The following NELL1 variants were observed in gnomAD, a reference collection of about 807,000 sequenced individuals.
NELL1 encodes the protein neural EGFL like 1, also known as protein kinase C-binding protein NELL1.
A neutral mutation model predicts 107.4 loss-of-function variants in NELL1; 76 were observed. That is an observed-to-expected ratio of 0.71 (90% CI 0.59 to 0.86). The LOEUF is 0.86. Ranked by LOEUF, NELL1 falls within the 40% of genes least tolerant of loss-of-function variation. NELL1 has a pLI of 0.00. For synonymous variants in NELL1, 353 were observed against 341.2 expected, an observed-to-expected ratio of 1.03 and a Z score of -0.38; for missense variants, 1,024 against 1,005.5, an observed-to-expected ratio of 1.02 and a Z score of -0.25.
At chr11:20,961,754 A>G (rs1248112362) in intron 12 of NELL1, among the ~76,000 whole-genome samples, 4 of 151,998 alleles carry the variant, frequency 2.6e-5, no homozygotes, top group African/African-American at 7.2e-5. Flanking sequence ...ATCTTTTCCT[A>G]TAGAGTGGAT....
chr11:20,925,083 A>G (rs1005303968), intron 7 of NELL1, among the ~76,000 whole-genome samples: 1 of 152,150 alleles, frequency 6.6e-6, no homozygotes, highest in African/African-American at 2.4e-5. Flanking sequence ...TATGCAAACT[A>G]TACTATTTTA....
At chr11:21,380,703 A>G (rs915655921) in intron 15 of NELL1, among the ~76,000 whole-genome samples, 9 of 152,044 alleles carry the variant, frequency 5.9e-5, no homozygotes, top group Admixed American at 5.3e-4. Flanking sequence ...TCCAGGTTGC[A>G]GACATATGGA....
chr11:20,999,855 G>C (rs6483746), intron 12 of NELL1, among the ~76,000 whole-genome samples: 42,034 of 151,946 alleles, frequency 0.28, 8,579 homozygotes, highest in African/African-American at 0.58. Context: ...TTCTGTTGTT[G>C]TTTTCTTCAT....
intron 15 of NELL1, among the ~76,000 whole-genome samples, chr11:21,435,157 A>C (rs928623836): frequency 6.6e-6 from 1 of 151,862 alleles, no homozygotes; most frequent in Non-Finnish European, 1.5e-5. Context: ...GTTTCCATGC[A>C]CTGTATTTTT....
At chr11:20,751,530 G>A (rs1406104865) in intron 2 of NELL1, among the ~76,000 whole-genome samples, 2 of 152,036 alleles carry the variant, frequency 1.3e-5, no homozygotes, top group African/African-American at 4.8e-5. Flanking sequence ...AGGCCGGAGT[G>A]TGATGGCATG....
Position 21,126,190 on chromosome 11 carries a change from G to C in NELL1, c.1426+12476G>C, listed in dbSNP as rs556064252. Among the ~76,000 whole-genome samples the C allele has an allele frequency of 2.6e-5, 4 of 152,218 alleles. No individual in the cohort carries two copies. In the East Asian group the frequency reaches 7.7e-4, roughly 29 times the overall value. On this transcript the variant is annotated intron_variant, in intron 13 of 19. Transcript: ENST00000357134. ...AAGATAGGATAGGATAGCAGGCTGT[G>C]TTAACTCCAGAAGCTCAAATATAAC...
intron 15 of NELL1, among the ~76,000 whole-genome samples, chr11:21,508,489 G>A (rs897812981): frequency 1.2e-4 from 18 of 151,904 alleles, no homozygotes; most frequent in African/African-American, 4.4e-4. Context: ...AATAAAAAGG[G>A]GACATATTTC....
At chr11:20,924,617 T>G (rs1449171606) in intron 7 of NELL1, among the ~76,000 whole-genome samples, 6 of 152,204 alleles carry the variant, frequency 3.9e-5, no homozygotes, top group Admixed American at 3.9e-4. Flanking sequence ...TTGGGCCATT[T>G]AGTCCTTAAG....
chr11:21,457,565 G>A (rs1853777643), intron 15 of NELL1, among the ~76,000 whole-genome samples: 1 of 152,128 alleles, frequency 6.6e-6, no homozygotes, highest in South Asian at 2.1e-4. Context: ...AGAAGGCTTG[G>A]TGGGTATGGA....
At chr11:21,491,128 T>C (rs1392528750) in intron 15 of NELL1, among the ~76,000 whole-genome samples, 4 of 152,110 alleles carry the variant, frequency 2.6e-5, no homozygotes, top group African/African-American at 9.7e-5. Flanking sequence ...ATTAAAAAGT[T>C]GCCTCCCATT....
intron 10 of NELL1, among the ~76,000 whole-genome samples, chr11:20,946,852 T>A (rs2403646): frequency 0.92 from 140,661 of 152,292 alleles, 65,071 homozygotes; most frequent in East Asian, 1. Flanking sequence ...CAAGGAAGAT[T>A]TGCTGTCTAT....
intron 14 of NELL1, among the ~76,000 whole-genome samples, chr11:21,364,919 T>C (rs1851181928): frequency 6.6e-6 from 1 of 152,194 alleles, no homozygotes; most frequent in Admixed American, 6.5e-5. Context: ...CACCTCAGTG[T>C]GAGTTATAAA....
At chr11:21,249,336 T>C (rs1858577461) in intron 14 of NELL1, among the ~76,000 whole-genome samples, 2 of 152,180 alleles carry the variant, frequency 1.3e-5, no homozygotes, top group African/African-American at 4.8e-5. Context: ...CCTATGCATT[T>C]TTCCCTCAGG....
intron 14 of NELL1, among the ~76,000 whole-genome samples, chr11:21,313,628 C>G (rs2133650891): frequency 6.6e-6 from 1 of 152,174 alleles, no homozygotes; most frequent in African/African-American, 2.4e-5. Context: ...CTGGGAAGTC[C>G]AAGGTCAAAG....
intron 2 of NELL1, among the ~76,000 whole-genome samples, chr11:20,691,260 T>C (rs140734979): frequency 0.19 from 29,193 of 150,046 alleles, 3,091 homozygotes; most frequent in African/African-American, 0.24. Context: ...CTTTTCCTAA[T>C]TGAATACCCT....
At chr11:20,978,852 T>G (rs74815943) in intron 12 of NELL1, among the ~76,000 whole-genome samples, 1 of 152,302 alleles carries the variant, frequency 6.6e-6, no homozygotes, top group East Asian at 1.9e-4. Context: ...ACGTTACTGC[T>G]CTAGGTCTCC....
At chr11:21,133,695 G>A (rs1450884420) in intron 13 of NELL1, among the ~76,000 whole-genome samples, 2 of 151,056 alleles carry the variant, frequency 1.3e-5, no homozygotes, top group Non-Finnish European at 3.0e-5. Flanking sequence ...CAGGACTCGG[G>A]AGCAGGGGTG....
chr11:21,310,191 A>T (rs1849720843), intron 14 of NELL1, among the ~76,000 whole-genome samples: 2 of 152,120 alleles, frequency 1.3e-5, no homozygotes, highest in South Asian at 4.1e-4. Context: ...TAGAACTAGT[A>T]TGTGGCAGAA....
intron 14 of NELL1, among the ~76,000 whole-genome samples, chr11:21,353,783 A>G (rs541306289): frequency 6.6e-6 from 1 of 152,332 alleles, no homozygotes; most frequent in South Asian, 2.1e-4. Flanking sequence ...AATGATAATT[A>G]ATAATTCTAA....
Sources: gnomAD v4.1 joint callset for allele counts (sites outside exome capture counted in the v4.1 genomes callset) on GRCh38, gnomAD v4.1.1 for gene constraint, MANE v1.5 for transcripts, NCBI Gene and HGNC (gene_info 2026-07-23, HGNC 2026-07-21) for gene names.